Variants in NCOR2 observed in about 807,000 individuals in gnomAD.
NCOR2 encodes the protein CTG repeat protein 26.
A neutral mutation model predicts 262.9 loss-of-function variants in NCOR2; 81 were observed. That is an observed-to-expected ratio of 0.31 (90% CI 0.26 to 0.37). NCOR2 has a LOEUF of 0.37. Among genes scored for constraint, NCOR2 ranks in the 10% least tolerant of loss-of-function variants. NCOR2 has a pLI of 1.00. For synonymous variants in NCOR2, 1,659 were observed against 1,559.3 expected (o/e 1.06, Z -1.51); for missense variants, 3,385 against 3,621.4 (o/e 0.93, Z 1.68).
chr12:124,566,625 C>A lies in NCOR2; in HGVS notation c.-165+683G>T, dbSNP rs1448508116. On this transcript the variant is annotated intron_variant, in intron 1 of 32. Coordinates refer to the NCOR2 transcript ENST00000458234. The surrounding 1 kb of genome is among the most constrained non-coding windows in gnomAD (Gnocchi z 4.3). ...TCCAACTTCGCAAAGTAGTGGCATCCCAAGTATCCGCACAGCCCGGGGGAG... is the reference window on the plus strand; with the variant it reads ...TCCAACTTCGCAAAGTAGTGGCATCACAAGTATCCGCACAGCCCGGGGGAG... 1.3e-5 allele frequency among the ~76,000 whole-genome samples: 2 copies of A among 152,234 alleles called. No homozygotes were observed. The highest frequency in any genetic ancestry group is 2.9e-5 in the Non-Finnish European group (2 of 68,042).
intron 41 of NCOR2, among the ~76,000 whole-genome samples, chr12:124,333,897 C>CGG (rs1392235914): frequency 1.6e-5 from 2 of 123,618 alleles, no homozygotes; most frequent in Non-Finnish European, 1.9e-5. Flanking sequence ...TGTGTGTGTG[C>CGG]GCGCGCATGT....
In NCOR2 at chr12:124,389,074, G is replaced by A. The variant is rs957757411; in HGVS notation, c.1877-3187C>T. Among the ~76,000 whole-genome samples, 2 of 152,234 alleles carry A rather than the reference G, an allele frequency of 1.3e-5. No individual in the cohort carries two copies. The highest frequency in any genetic ancestry group is 4.8e-5 in the African/African-American group (2 of 41,468). On this transcript the variant is annotated intron_variant, in intron 16 of 46. Coordinates refer to ENST00000405201, the Ensembl canonical transcript of NCOR2. The surrounding 1 kb of genome is among the most constrained non-coding windows in gnomAD (Gnocchi z 4.4). ...AGGTGCCCTTCCCCGAGGGTGGTGGGTGGCGGGAAGTTGTCAGTGGTGCGT... is the reference window on the plus strand; with the variant it reads ...AGGTGCCCTTCCCCGAGGGTGGTGGATGGCGGGAAGTTGTCAGTGGTGCGT...
chr12:124,567,555 C>A (rs1390598955), upstream of NCOR2: 1 of 146,122 alleles, frequency 6.8e-6, no homozygotes, highest in African/African-American at 2.5e-5. Flanking sequence ...CGCGGGGCTC[C>A]GGTGCGGCCC....
chr12:124,338,364 C>A (rs1441862219), intron 37 of NCOR2, among the ~76,000 whole-genome samples: 2 of 151,924 alleles, frequency 1.3e-5, no homozygotes, highest in Non-Finnish European at 2.9e-5. Flanking sequence ...AAAAATTAGC[C>A]GGGTGTGGTT....
At chr12:124,554,985 G>A (rs1013723345) in intron 1 of NCOR2, among the ~76,000 whole-genome samples, 8 of 152,148 alleles carry the variant, frequency 5.3e-5, no homozygotes, top group Non-Finnish European at 8.8e-5. Flanking sequence ...GACTGTCCCT[G>A]GTCACTCCTG....
chr12:124,336,985 T>A (rs2035951346), exon 38 of NCOR2: 1 of 1,512,422 alleles, frequency 6.6e-7, no homozygotes, highest in Non-Finnish European at 8.8e-7. Context: ...CGGAGCGGGC[T>A]GGGGGCTTGG....
intron 8 of NCOR2, 100 bp downstream of exon 10, chr12:124,437,830 A>G: frequency 5.6e-6 from 6 of 1,077,250 alleles, no homozygotes; most frequent in Non-Finnish European, 7.9e-6. Flanking sequence ...GGGAGGACAC[A>G]GCTGCGGAAC....
chr12:124,326,749 C>G (rs945560936), intron 45 of NCOR2, among the ~76,000 whole-genome samples: 1 of 152,154 alleles, frequency 6.6e-6, no homozygotes, highest in African/African-American at 2.4e-5. Context: ...AGGATCCAGG[C>G]CCCGTGCAGA....
rs3782256 is a variant in NCOR2, at chr12:124,369,851, C to T, written c.2807+2171G>A. On this transcript the variant is annotated intron_variant, in intron 20 of 46. Coordinates refer to ENST00000405201, the Ensembl canonical transcript of NCOR2. ...CTGGGCGGGGCTGCAGGGGAGAGGA[C>T]GGGAGGCTGCAAGTGCCCTGCGGGG... 1.5e-3 allele frequency among the ~76,000 whole-genome samples: 223 copies of T among 152,148 alleles called. 7 individuals carry two copies. The East Asian group carries it at 0.039, about 27-fold the overall frequency.
At position 124,481,704 on chromosome 12, in the gene NCOR2, G is replaced by A. The variant is rs1382216950; in HGVS notation, c.411+1892C>T. ...CAGGGAGGTGACGGGGCTGGATCAC[G>A]CCGGACCTGCAGCCCATGGCAAGGA... On this transcript the variant is annotated intron_variant, in intron 3 of 46. Coordinates refer to ENST00000405201, the Ensembl canonical transcript of NCOR2. The surrounding 1 kb of genome is among the most constrained non-coding windows in gnomAD (Gnocchi z 4.6). Among the ~76,000 whole-genome samples the A allele has an allele frequency of 2.0e-5, 3 of 152,176 alleles. No homozygotes were observed. The highest frequency in any genetic ancestry group is 4.4e-5 in the Non-Finnish European group (3 of 68,010).
At chr12:124,366,378 G>C (rs762692330) in intron 20 of NCOR2, among the ~76,000 whole-genome samples, 2 of 151,018 alleles carry the variant, frequency 1.3e-5, no homozygotes, top group Non-Finnish European at 3.0e-5. Flanking sequence ...GAAAAGTCCA[G>C]AACGGGCCAA....
intron 31 of NCOR2, 111 bp from the exon 34 acceptor site, chr12:124,345,062 T>G (rs971579519): frequency 2.0e-6 from 2 of 982,678 alleles, no homozygotes; most frequent in African/African-American, 3.3e-5. Flanking sequence ...GGAAGTGACA[T>G]CTGATGCCTC....
chr12:124,369,994 A>G (rs1478117015), intron 20 of NCOR2, among the ~76,000 whole-genome samples: 3 of 152,186 alleles, frequency 2.0e-5, no homozygotes, highest in East Asian at 1.9e-4. Flanking sequence ...CAGCTTATCA[A>G]TGGGGCTGCC....
Position 124,337,379 on chromosome 12 carries a change from C to T in NCOR2, c.5688-199G>A, listed in dbSNP as rs570137758. The T allele has an allele frequency of 8.2e-5, 61 of 740,914 alleles. 1 individual carries two copies. The South Asian group carries it at 8.9e-4, about 11-fold the overall frequency. The allele number at this position is 740,914 out of a possible 1,614,324, so 45.9% of individuals were successfully genotyped here. A position where few individuals can be genotyped will look rare whatever the true frequency, so the allele number is the denominator to read the frequency against. ...CACTCATTCGTTCATTCATTCCTTG[C>T]ATCATTCCAAAACTTCTGATTAAGC... On this transcript the variant is annotated intron_variant, in intron 37 of 46. Coordinates refer to ENST00000405201, the Ensembl canonical transcript of NCOR2.
chr12:124,513,378 G>A (rs975923141), intron 1 of NCOR2: 1 of 152,178 alleles, frequency 6.6e-6, no homozygotes, highest in African/African-American at 2.4e-5. Context: ...CCTCTGCTCT[G>A]GGCTAAATGA....
At chr12:124,479,993 C>T (rs560062575) in intron 3 of NCOR2, among the ~76,000 whole-genome samples, 7 of 152,342 alleles carry the variant, frequency 4.6e-5, no homozygotes, top group African/African-American at 1.7e-4. Context: ...GGCAGGCAGT[C>T]GGCGCTCACT....
chr12:124,480,303 G>T (rs991420593), intron 3 of NCOR2, among the ~76,000 whole-genome samples: 1 of 152,298 alleles, frequency 6.6e-6, no homozygotes, highest in Admixed American at 6.5e-5. Context: ...GTCACAGCTG[G>T]CCGGGCACCA....
chr12:124,369,928 C>A (rs576670054), intron 20 of NCOR2, among the ~76,000 whole-genome samples: 1 of 152,252 alleles, frequency 6.6e-6, no homozygotes, highest in Admixed American at 6.5e-5. Flanking sequence ...AAGCTGATCC[C>A]CCGGCTCCCC....
At chr12:124,365,079 G>T (rs1297649443) in intron 20 of NCOR2, among the ~76,000 whole-genome samples, 1 of 152,146 alleles carries the variant, frequency 6.6e-6, no homozygotes, top group African/African-American at 2.4e-5. Context: ...ACGTTTGGGG[G>T]TATGGAAGCA....
Sources: gnomAD v4.1 joint callset for allele counts (sites outside exome capture counted in the v4.1 genomes callset) on GRCh38, gnomAD v4.1.1 for gene constraint, Gnocchi (gnomAD v3.1) non-coding constraint, MANE v1.5 for transcripts, NCBI Gene and HGNC (gene_info 2026-07-23, HGNC 2026-07-21) for gene names.